TPTE2: variants seen among roughly 807,000 people sequenced by gnomAD.
TPTE2 encodes the protein phosphatidylinositol 3,4,5-trisphosphate 3-phosphatase TPTE2.
Under a neutral mutation model 78.6 loss-of-function variants are expected in TPTE2, and 53 were observed. The observed-to-expected ratio is 0.67, with a 90% CI of 0.54 to 0.85. The LOEUF (loss-of-function observed/expected upper bound fraction) is 0.85. Among genes scored for constraint, TPTE2 ranks in the 40% least tolerant of loss-of-function variants. TPTE2 has a pLI of 0.00. For missense variants in TPTE2, 461 were observed against 623.0 expected, an observed-to-expected ratio of 0.74 and a Z score of 2.77; for synonymous variants, 175 against 206.2, an observed-to-expected ratio of 0.85 and a Z score of 1.30.
intron 10 of TPTE2, among the ~76,000 whole-genome samples, chr13:19,461,160 C>G (rs1267558922): frequency 6.6e-6 from 1 of 152,052 alleles, no homozygotes; most frequent in Non-Finnish European, 1.5e-5. Flanking sequence ...GGGACTCTTG[C>G]CTCTGCCGTC....
At chr13:19,457,521 C>G (rs1042480666) in intron 10 of TPTE2, among the ~76,000 whole-genome samples, 2 of 152,026 alleles carry the variant, frequency 1.3e-5, no homozygotes, top group African/African-American at 4.8e-5. Flanking sequence ...CTCTCCTTCC[C>G]CCATCCCCTC....
the TPTE2 span, among the ~76,000 whole-genome samples, chr13:19,556,243 G>C: frequency 6.6e-6 from 1 of 152,114 alleles, no homozygotes; most frequent in African/African-American, 2.4e-5. Context: ...GAAGGGGGTT[G>C]TTCTTTCAGC....
chr13:19,449,951 A>C, intron 13 of TPTE2, 125 bp downstream of exon 16: 1 of 841,614 alleles, frequency 1.2e-6, no homozygotes, highest in South Asian at 1.9e-5. Flanking sequence ...TCAGTCTTGG[A>C]GCTAATATTT....
chr13:19,550,291 A>C, the TPTE2 span, among the ~76,000 whole-genome samples: 1 of 152,252 alleles, frequency 6.6e-6, no homozygotes, highest in Non-Finnish European at 1.5e-5. Context: ...GGTCAAATTT[A>C]AGATAAATTC....
intron 1 of TPTE2, among the ~76,000 whole-genome samples, chr13:19,528,437 T>G (rs1011435153): frequency 1.3e-5 from 2 of 152,130 alleles, no homozygotes; most frequent in African/African-American, 2.4e-5. Flanking sequence ...AAAATTTGTT[T>G]TTTTGGAACA....
intron 1 of TPTE2, among the ~76,000 whole-genome samples, chr13:19,513,067 TA>T (rs1350261488): frequency 1.3e-5 from 2 of 152,082 alleles, no homozygotes; most frequent in Non-Finnish European, 1.5e-5. Flanking sequence ...ATTCAAACTA[TA>T]AAAAAAATTT....
At chr13:19,433,314 G>T (rs947150584) in intron 15 of TPTE2, among the ~76,000 whole-genome samples, 1 of 152,112 alleles carries the variant, frequency 6.6e-6, no homozygotes, top group Non-Finnish European at 1.5e-5. Context: ...GACCAGCCTC[G>T]CCAACAGGGT....
At chr13:19,545,876 G>T in the TPTE2 span, among the ~76,000 whole-genome samples, 1 of 152,154 alleles carries the variant, frequency 6.6e-6, no homozygotes, top group African/African-American at 2.4e-5. Context: ...CTTGGTAAAT[G>T]AATTAAAAAT....
chr13:19,447,166 C>G (rs1343264712), intron 13 of TPTE2, among the ~76,000 whole-genome samples: 1 of 152,036 alleles, frequency 6.6e-6, no homozygotes, highest in Non-Finnish European at 1.5e-5. Flanking sequence ...TATGAATGAA[C>G]ACATAAAAAA....
At chr13:19,532,687 G>A (rs1870959488) in intron 1 of TPTE2, among the ~76,000 whole-genome samples, 6 of 152,202 alleles carry the variant, frequency 3.9e-5, no homozygotes, top group Admixed American at 6.5e-5. Context: ...TGAATCTGTA[G>A]CCTGTCTCTT....
chr13:19,547,357 C>G, the TPTE2 span, among the ~76,000 whole-genome samples: 1 of 151,988 alleles, frequency 6.6e-6, no homozygotes, highest in Admixed American at 6.6e-5. Flanking sequence ...CAGTTTTTAT[C>G]CAGAACATTG....
intron 1 of TPTE2, among the ~76,000 whole-genome samples, chr13:19,501,827 C>T (rs1219750568): frequency 6.6e-6 from 1 of 151,648 alleles, no homozygotes; most frequent in Non-Finnish European, 1.5e-5. Context: ...AGCTTCTGCA[C>T]AGCAAAAGAA....
intron 1 of TPTE2, among the ~76,000 whole-genome samples, chr13:19,511,935 G>A (rs911539733): frequency 1.3e-5 from 2 of 152,084 alleles, no homozygotes; most frequent in African/African-American, 4.8e-5. Context: ...TAAAACTAGT[G>A]CATGAAAGTT....
the TPTE2 span, among the ~76,000 whole-genome samples, chr13:19,553,399 T>A: frequency 6.6e-6 from 1 of 152,246 alleles, no homozygotes; most frequent in East Asian, 1.9e-4. Context: ...CTTAAAAAGT[T>A]AAAAATATAT....
At chr13:19,508,609 A>G (rs3103392) in intron 1 of TPTE2, among the ~76,000 whole-genome samples, 151,717 of 152,274 alleles carry the variant, frequency 1, 75,584 homozygotes, top group Middle Eastern at 1. Flanking sequence ...AGATTGAGAA[A>G]ATTGAGGAAC....
intron 10 of TPTE2, among the ~76,000 whole-genome samples, chr13:19,460,489 G>A (rs1025998208): frequency 3.3e-5 from 5 of 152,198 alleles, no homozygotes; most frequent in African/African-American, 4.8e-5. Context: ...GACTGCAGCT[G>A]CTTCTAATTG....
chr13:19,500,207 A>T (rs1868400763), intron 1 of TPTE2, among the ~76,000 whole-genome samples: 1 of 150,710 alleles, frequency 6.6e-6, no homozygotes, highest in Non-Finnish European at 1.5e-5. Context: ...TCACAGCTGA[A>T]TTCTACCAGA....
intron 1 of TPTE2, among the ~76,000 whole-genome samples, chr13:19,522,979 G>A (rs1344208602): frequency 6.6e-6 from 1 of 152,006 alleles, no homozygotes; most frequent in East Asian, 1.9e-4. Context: ...CTATACCCCA[G>A]GTAGCCATTA....
intron 4 of TPTE2, among the ~76,000 whole-genome samples, chr13:19,479,470 G>C (rs1157146781): frequency 6.6e-6 from 1 of 151,864 alleles, no homozygotes; most frequent in Non-Finnish European, 1.5e-5. Flanking sequence ...TCAATTAATA[G>C]CAAAATATAG....
Sources: allele counts gnomAD v4.1 joint callset (sites outside exome capture counted in the v4.1 genomes callset), GRCh38; gene constraint gnomAD v4.1.1; transcripts MANE v1.5; gene names NCBI Gene and HGNC (gene_info 2026-07-23, HGNC 2026-07-21).